The following PIK3C2G variants were observed in gnomAD, a reference collection of about 807,000 sequenced individuals.
The protein encoded by PIK3C2G is phosphatidylinositol 3-kinase C2 domain-containing subunit gamma.
PIK3C2G carries 168 observed loss-of-function variants against 181.1 expected under a neutral mutation model. The observed-to-expected ratio is 0.93, with a 90% confidence interval of 0.82 to 1.05. PIK3C2G has a LOEUF of 1.05. PIK3C2G is among the 50% of genes least tolerant of loss of function. The pLI is 0.00. For synonymous variants in PIK3C2G, 573 were observed against 592.2 expected, an observed-to-expected ratio of 0.97 and a Z score of 0.47; for missense variants, 1,869 against 1,732.8, an observed-to-expected ratio of 1.08 and a Z score of -1.40.
rs1389825902 is a variant in PIK3C2G, at chr12:18,282,076, T to TA, written c.1dup. 1 of 1,559,662 alleles carries TA rather than the reference T, an allele frequency of 6.4e-7. No homozygotes were observed. Among genetic ancestry groups the TA allele is most frequent in the Non-Finnish European group, 8.7e-7 (1 of 1,144,954 alleles). On this transcript the variant is annotated 5_prime_UTR_variant, in exon 2 of 33. Transcript: ENST00000538779. ...AGTCAACCCTCTCAGTTACATAAAA[T>TA]AAAAAATGGCATATTCTTGGCAAAC...
chr12:18,516,194 G>C (rs1942526937), intron 24 of PIK3C2G, among the ~76,000 whole-genome samples: 2 of 150,370 alleles, frequency 1.3e-5, no homozygotes, highest in East Asian at 3.9e-4. Flanking sequence ...TATTTTTCTA[G>C]AAAAGTCTTT....
chr12:18,361,332 T>C (rs983683746), intron 11 of PIK3C2G, among the ~76,000 whole-genome samples: 2 of 152,154 alleles, frequency 1.3e-5, no homozygotes, highest in African/African-American at 2.4e-5. Context: ...TTGAGTATCT[T>C]TATGATGGGT....
chr12:18,451,106 T>C (rs1184740376), intron 18 of PIK3C2G, among the ~76,000 whole-genome samples: 1 of 152,228 alleles, frequency 6.6e-6, no homozygotes, highest in African/African-American at 2.4e-5. Context: ...TTTCTAATTC[T>C]GTTAAGAAAG....
chr12:18,562,256 C>T (rs1220007092), intron 26 of PIK3C2G, among the ~76,000 whole-genome samples: 2 of 152,094 alleles, frequency 1.3e-5, no homozygotes, highest in South Asian at 2.1e-4. Context: ...CTCAGGCTCC[C>T]GAGTAGCTGG....
Position 18,293,895 on chromosome 12 carries a change from C to T in PIK3C2G, c.920-6C>T. On this transcript the variant is annotated splice_polypyrimidine_tract_variant and splice_region_variant and intron_variant, in intron 4 of 32. Coordinates refer to ENST00000538779, the MANE Select transcript of PIK3C2G (RefSeq NM_001288772.2). ...ATTGACTTTTATTATTCCTCTTTTT[C>T]TTTAGCTAATTATCTTGTCAAAGAT... 7.3e-7 allele frequency: 1 copy of T among 1,371,798 alleles called. No individual in the cohort carries two copies. Among genetic ancestry groups the T allele is most frequent in the Non-Finnish European group, 1.0e-6 (1 of 961,600 alleles). 85.0% of individuals were successfully genotyped at this position (1,371,798 alleles called of 1,614,324 possible). A position where few individuals can be genotyped will look rare whatever the true frequency, so the allele number is the denominator to read the frequency against.
intron 18 of PIK3C2G, among the ~76,000 whole-genome samples, chr12:18,440,553 G>A (rs1946686077): frequency 6.6e-6 from 1 of 152,100 alleles, no homozygotes. Context: ...GTAAGAGAGT[G>A]AACCGCCTAT....
chr12:18,613,451 T>C (rs1258818582), intron 31 of PIK3C2G, among the ~76,000 whole-genome samples: 1 of 152,008 alleles, frequency 6.6e-6, no homozygotes, highest in Non-Finnish European at 1.5e-5. Flanking sequence ...AGAAGTAGAG[T>C]CAAACACAAG....
chr12:18,447,432 A>G (rs911402963), intron 18 of PIK3C2G, among the ~76,000 whole-genome samples: 20 of 152,228 alleles, frequency 1.3e-4, no homozygotes, highest in Non-Finnish European at 1.3e-4. Context: ...TTTTTAAAAT[A>G]AAAGTTTCAA....
chr12:18,256,355 T>C (rs966777488), intron 1 of PIK3C2G, among the ~76,000 whole-genome samples: 1 of 152,100 alleles, frequency 6.6e-6, no homozygotes, highest in African/African-American at 2.4e-5. Context: ...GCAGTGTTGC[T>C]ATGCACGCAG....
intron 22 of PIK3C2G, 103 bp downstream of exon 22, chr12:18,497,851 T>G: frequency 5.0e-6 from 4 of 803,522 alleles, no homozygotes; most frequent in Non-Finnish European, 7.3e-6. Flanking sequence ...AAACTACAAG[T>G]TTGAAAATCC....
At chr12:18,712,105 G>A in the PIK3C2G span, among the ~76,000 whole-genome samples, 34 of 152,156 alleles carry the variant, frequency 2.2e-4, no homozygotes, top group East Asian at 7.7e-4. Context: ...GTTTTAGTAC[G>A]TAGTAAGAAT....
chr12:18,663,744 A>C, the PIK3C2G span, among the ~76,000 whole-genome samples: 6 of 152,158 alleles, frequency 3.9e-5, no homozygotes, highest in African/African-American at 1.4e-4. Context: ...AAAAGAAAGA[A>C]ATTGAACTTC....
chr12:18,574,066 T>C (rs1483002341), intron 29 of PIK3C2G, among the ~76,000 whole-genome samples: 2 of 152,186 alleles, frequency 1.3e-5, no homozygotes, highest in African/African-American at 4.8e-5. Flanking sequence ...GCTCTAATTT[T>C]CTTTACTGTT....
intron 26 of PIK3C2G, among the ~76,000 whole-genome samples, chr12:18,551,437 C>T (rs1232346632): frequency 7.2e-5 from 11 of 152,054 alleles, no homozygotes; most frequent in Admixed American, 7.2e-4. Context: ...CCCTGCCTAC[C>T]TCCCCTCCCA....
At chr12:18,273,937 T>G (rs1347803256) in intron 1 of PIK3C2G, among the ~76,000 whole-genome samples, 3 of 151,694 alleles carry the variant, frequency 2.0e-5, no homozygotes, top group African/African-American at 7.3e-5. Flanking sequence ...GAATCTACAA[T>G]GAACTCAAAC....
intron 20 of PIK3C2G, among the ~76,000 whole-genome samples, chr12:18,495,043 G>T (rs893516126): frequency 3.3e-5 from 5 of 151,976 alleles, no homozygotes; most frequent in African/African-American, 1.2e-4. Flanking sequence ...GTTTAGTTAA[G>T]ATATTGGGTT....
At chr12:18,347,450 A>G (rs1447359101) in intron 11 of PIK3C2G, among the ~76,000 whole-genome samples, 1 of 152,182 alleles carries the variant, frequency 6.6e-6, no homozygotes, top group East Asian at 1.9e-4. Context: ...TAATTTGGTA[A>G]TGGATTTATT....
At chr12:18,481,067 G>A (rs1939515113) in intron 18 of PIK3C2G, among the ~76,000 whole-genome samples, 1 of 151,670 alleles carries the variant, frequency 6.6e-6, no homozygotes. Flanking sequence ...TGAGTAGCTT[G>A]GACTACAGGC....
At chr12:18,698,613 A>G in the PIK3C2G span, among the ~76,000 whole-genome samples, 1 of 152,134 alleles carries the variant, frequency 6.6e-6, no homozygotes, top group African/African-American at 2.4e-5. Context: ...GTATTTCTAC[A>G]CAAGATGGTA....
Sources: allele counts gnomAD v4.1 joint callset (sites outside exome capture counted in the v4.1 genomes callset), GRCh38; gene constraint gnomAD v4.1.1; transcripts MANE v1.5; gene names NCBI Gene and HGNC (gene_info 2026-07-23, HGNC 2026-07-21).